Variants in CLHC1 observed in about 807,000 individuals in gnomAD.
CLHC1 encodes clathrin heavy chain linker domain-containing protein 1.
A neutral mutation model predicts 69.5 loss-of-function variants in CLHC1; 72 were observed. The ratio of observed to expected loss-of-function variants is 1.04; its 90% CI spans 0.86 to 1.26. The LOEUF is 1.26. Among genes scored for constraint, CLHC1 ranks in the 50% most tolerant of loss-of-function variants. The probability of loss-of-function intolerance (pLI) is 0.00; values close to 1 mark genes in which losing one functional copy is unlikely to be tolerated. For missense variants in CLHC1, 790 were observed against 679.3 expected (o/e 1.16, Z -1.81); for synonymous variants, 223 against 224.3 (o/e 0.99, Z 0.05).
intron 9 of CLHC1, among the ~76,000 whole-genome samples, chr2:55,185,059 A>G (rs1670301012): frequency 6.6e-6 from 1 of 152,122 alleles, no homozygotes; most frequent in Admixed American, 6.6e-5. Flanking sequence ...ATTCAATTTT[A>G]GTTCATTAAA....
intron 5 of CLHC1, among the ~76,000 whole-genome samples, chr2:55,212,278 A>G (rs1308644955): frequency 5.9e-5 from 9 of 152,202 alleles, no homozygotes; most frequent in South Asian, 4.1e-4. Context: ...ACTAGGTCTC[A>G]AAAAAGAAAA....
At chr2:55,215,772 G>A (rs6736539) in intron 4 of CLHC1, among the ~76,000 whole-genome samples, 10,632 of 152,056 alleles carry the variant, frequency 0.07, 1,163 homozygotes, top group African/African-American at 0.24. Flanking sequence ...AAATGTTCTC[G>A]GGTCCAAAGC....
chr2:55,186,212 C>T (rs1670398675), intron 9 of CLHC1, among the ~76,000 whole-genome samples: 1 of 152,180 alleles, frequency 6.6e-6, no homozygotes, highest in Non-Finnish European at 1.5e-5. Flanking sequence ...CAGCTTCAGG[C>T]TGTTGAAACA....
At chr2:55,176,446 G>T (rs1391142917) in intron 12 of CLHC1, among the ~76,000 whole-genome samples, 1 of 152,182 alleles carries the variant, frequency 6.6e-6, no homozygotes, top group African/African-American at 2.4e-5. Context: ...CTAACCCAAG[G>T]ACTGAAGAAA....
intron 9 of CLHC1, among the ~76,000 whole-genome samples, chr2:55,199,310 A>G (rs895071544): frequency 6.0e-5 from 9 of 150,882 alleles, no homozygotes; most frequent in East Asian, 1.9e-4. Context: ...AAAAAAAAAA[A>G]AAAAAAAAAA....
intron 4 of CLHC1, among the ~76,000 whole-genome samples, chr2:55,217,341 C>T (rs553557461): frequency 1.8e-4 from 27 of 149,846 alleles, no homozygotes; most frequent in South Asian, 4.2e-4. Context: ...CATAGTGAGA[C>T]CCCATCTCTA....
intron 9 of CLHC1, among the ~76,000 whole-genome samples, chr2:55,199,169 C>T (rs1398891962): frequency 1.3e-5 from 2 of 151,638 alleles, no homozygotes; most frequent in Non-Finnish European, 2.9e-5. Context: ...TGGCAGGGTG[C>T]ACCTGTAGTC....
chr2:55,231,991 C>G (rs1383618788), intron 1 of CLHC1: 1 of 152,264 alleles, frequency 6.6e-6, no homozygotes, highest in Non-Finnish European at 1.5e-5. Flanking sequence ...ACCCCCGCTT[C>G]CGCAGATTTC....
At chr2:55,212,398 G>C (rs1673093293) in intron 5 of CLHC1, among the ~76,000 whole-genome samples, 1 of 152,202 alleles carries the variant, frequency 6.6e-6, no homozygotes, top group African/African-American at 2.4e-5. Context: ...GCATTTCTAA[G>C]AGGTCTTTAG....
intron 9 of CLHC1, among the ~76,000 whole-genome samples, chr2:55,192,071 T>G (rs1670984761): frequency 6.6e-6 from 1 of 152,036 alleles, no homozygotes; most frequent in African/African-American, 2.4e-5. Flanking sequence ...ATGTAAATAA[T>G]CTAAGCACCC....
At position 55,209,835 on chromosome 2, in the gene CLHC1, T is replaced by C. The variant is rs201826806; in HGVS notation, c.500-4A>G. On this transcript the variant is annotated splice_region_variant and splice_polypyrimidine_tract_variant and intron_variant, in intron 5 of 12. Transcript: ENST00000401408. ...ATGGATTCTTGAAGAGTCATGCCTA[T>C]GGGGAAAGGGAACAAATCAAACACG... 50 of 1,591,782 alleles carry C rather than the reference T, an allele frequency of 3.1e-5. No homozygotes were observed. In the East Asian group the frequency reaches 1.0e-3, roughly 33 times the overall value.
At chr2:55,218,950 C>T (rs1017957406) in intron 3 of CLHC1, among the ~76,000 whole-genome samples, 1 of 152,094 alleles carries the variant, frequency 6.6e-6, no homozygotes, top group Non-Finnish European at 1.5e-5. Flanking sequence ...TAGGCAATAT[C>T]TAGAAAAAAT....
chr2:55,208,506 A>G (rs1385355190), intron 8 of CLHC1, 120 bp downstream of exon 8: 4 of 632,062 alleles, frequency 6.3e-6, no homozygotes, highest in Admixed American at 5.7e-5. Context: ...AAAACATATC[A>G]ACATTATAAT....
intron 12 of CLHC1, among the ~76,000 whole-genome samples, chr2:55,177,316 A>G (rs1329429675): frequency 6.6e-6 from 1 of 152,176 alleles, no homozygotes; most frequent in Non-Finnish European, 1.5e-5. Context: ...AAATATACAC[A>G]TATGTCAATA....
chr2:55,209,226 C>T (rs1313062843), intron 7 of CLHC1, among the ~76,000 whole-genome samples, 178 bp downstream of exon 7: 2 of 152,072 alleles, frequency 1.3e-5, no homozygotes, highest in African/African-American at 2.4e-5. Context: ...CTCACCAAGT[C>T]TATTCTTTAC....
At chr2:55,185,558 T>C (rs1017334504) in intron 9 of CLHC1, among the ~76,000 whole-genome samples, 3 of 152,210 alleles carry the variant, frequency 2.0e-5, no homozygotes, top group Non-Finnish European at 2.9e-5. Flanking sequence ...ATGCAAATCA[T>C]TTTTGCAGGT....
chr2:55,228,380 T>G lies in CLHC1; in HGVS notation c.-255-176A>C, dbSNP rs944341852. On this transcript the variant is annotated intron_variant, in intron 1 of 12. Transcript: ENST00000401408. ...TAGTCTATTCATAAGACATTGGACT[T>G]GTGGTGCTCTCAAACCAGAACACAG... Among the ~76,000 whole-genome samples, 19 of 152,386 alleles carry G rather than the reference T, an allele frequency of 1.2e-4. No individual in the cohort carries two copies. The Middle Eastern group carries it at 0.02, about 164-fold the overall frequency.
Position 55,217,815 on chromosome 2 carries a change from C to T in CLHC1, c.361G>A (p.Ala121Thr), listed in dbSNP as rs368771936. ...GCTAGTTACTAAAATACTTACTTTG[C>T]TTCAAGTTGGATTGTTCTTTTCCTG... ...YYRKRTIQLE[A>T]KMRIIESNSS... Residue 121 changes from alanine (A) to threonine (T), a missense_variant, in exon 4 of 13, where the codon GCA (alanine) becomes ACA (threonine). Transcript: ENST00000401408. 39 of 1,524,648 alleles carry T rather than the reference C, an allele frequency of 2.6e-5. No homozygotes were observed. Among genetic ancestry groups the T allele is most frequent in the Non-Finnish European group, 3.2e-5 (36 of 1,138,596 alleles). The allele number at this position is 1,524,648 out of a possible 1,614,324, so 94.4% of individuals were successfully genotyped here.
At chr2:55,190,563 A>G (rs1168443388) in intron 9 of CLHC1, among the ~76,000 whole-genome samples, 1 of 152,162 alleles carries the variant, frequency 6.6e-6, no homozygotes, top group Non-Finnish European at 1.5e-5. Flanking sequence ...TATAAGAGAA[A>G]CTCAAATCAA....
Sources: gnomAD v4.1 joint callset for allele counts (sites outside exome capture counted in the v4.1 genomes callset) on GRCh38, gnomAD v4.1.1 for gene constraint, MANE v1.5 for transcripts, NCBI Gene and HGNC (gene_info 2026-07-23, HGNC 2026-07-21) for gene names.